CTNNA2: variants seen among roughly 807,000 people sequenced by gnomAD.
The protein encoded by CTNNA2 is catenin alpha 2.
Under a neutral mutation model 101.0 loss-of-function variants are expected in CTNNA2, and 42 were observed. The ratio of observed to expected loss-of-function variants is 0.42; its 90% CI spans 0.32 to 0.54. The LOEUF is 0.54. Among genes scored for constraint, CTNNA2 ranks in the 20% least tolerant of loss-of-function variants. The pLI is 0.14. For missense variants in CTNNA2, 871 were observed against 1,223.1 expected, an observed-to-expected ratio of 0.71 and a Z score of 4.29; for synonymous variants, 450 against 456.4, an observed-to-expected ratio of 0.99 and a Z score of 0.18.
chr2:79,307,596 T>A (rs1220597869), intron 2 of CTNNA2, among the ~76,000 whole-genome samples: 2 of 152,230 alleles, frequency 1.3e-5, no homozygotes, highest in African/African-American at 2.4e-5. Flanking sequence ...TGTGTATATA[T>A]ATCACCTTTT....
chr2:79,422,470 T>C (rs1678549920), intron 4 of CTNNA2, among the ~76,000 whole-genome samples: 1 of 152,142 alleles, frequency 6.6e-6, no homozygotes, highest in African/African-American at 2.4e-5. Context: ...GCCCCAAATG[T>C]CGATAATGTT....
chr2:79,473,082 C>T (rs1671016581), intron 4 of CTNNA2, among the ~76,000 whole-genome samples: 1 of 152,078 alleles, frequency 6.6e-6, no homozygotes, highest in East Asian at 1.9e-4. Context: ...ATGTCTTTGC[C>T]AACATTCTGT....
At chr2:79,706,093 G>A (rs1242883535) in intron 2 of CTNNA2, among the ~76,000 whole-genome samples, 1 of 151,970 alleles carries the variant, frequency 6.6e-6, no homozygotes, top group Admixed American at 6.6e-5. Flanking sequence ...GGCCAGGTGC[G>A]GTGGCTTATA....
rs559463327 is a variant in CTNNA2 at position 80,300,676 on chromosome 2, TAGAG to T, written c.1057-92532_1057-92529del. The stretch of plus-strand genomic sequence containing the variant: ...AAAGATGCAACTCTTTAGTGTCCGT[TAGAG>T]AGGGAAGAGAAAGACTTAGGGACAT... On this transcript the variant is annotated intron_variant, in intron 7 of 18. Coordinates refer to ENST00000402739, the MANE Select transcript of CTNNA2 (RefSeq NM_001282597.3). Among the ~76,000 whole-genome samples, 38 of 152,296 alleles carry T rather than the reference TAGAG, an allele frequency of 2.5e-4. No homozygotes were observed. In the South Asian group the frequency reaches 4.6e-3, roughly 18 times the overall value.
intron 4 of CTNNA2, among the ~76,000 whole-genome samples, chr2:79,499,592 C>T (rs1341512459): frequency 1.3e-5 from 2 of 152,216 alleles, no homozygotes; most frequent in African/African-American, 2.4e-5. Flanking sequence ...ATTTCTTACG[C>T]CACCTATGTA....
chr2:79,619,078 C>T lies in CTNNA2; in HGVS notation c.-5-32474C>T, dbSNP rs540681516. Among the ~76,000 whole-genome samples the T allele has an allele frequency of 7.9e-5, 12 of 152,240 alleles. No individual in the cohort carries two copies. In the East Asian group the frequency reaches 1.9e-3, roughly 25 times the overall value. On this transcript the variant is annotated intron_variant, in intron 1 of 18. Transcript: ENST00000402739. ...AAAATTAGCTGGGCGTGGTGGCGGG[C>T]GCCTATAATCCCAGCTAGTTGGGAG... is the stretch of plus-strand genomic sequence containing the variant.
intron 7 of CTNNA2, among the ~76,000 whole-genome samples, chr2:80,290,227 A>G (rs973529722): frequency 6.6e-6 from 1 of 152,168 alleles, no homozygotes; most frequent in African/African-American, 2.4e-5. Flanking sequence ...TCCATGCCAG[A>G]TAGTTTTTTA....
intron 4 of CTNNA2, among the ~76,000 whole-genome samples, chr2:79,438,309 C>T (rs1678739401): frequency 6.6e-6 from 1 of 152,200 alleles, no homozygotes. Context: ...GTCTTTCAAC[C>T]GTGAGTGTTA....
chr2:80,069,854 T>G (rs1698217410), intron 7 of CTNNA2, among the ~76,000 whole-genome samples: 2 of 152,220 alleles, frequency 1.3e-5, no homozygotes, highest in Admixed American at 1.3e-4. Flanking sequence ...AGCAAGCACC[T>G]TAACCTGTCA....
intron 7 of CTNNA2, among the ~76,000 whole-genome samples, chr2:80,164,617 T>C (rs1704537382): frequency 6.6e-6 from 1 of 151,894 alleles, no homozygotes; most frequent in African/African-American, 2.4e-5. Context: ...TATTTTTCTT[T>C]TTTCTTTATA....
intron 3 of CTNNA2, among the ~76,000 whole-genome samples, chr2:79,334,309 C>G (rs1357946039): frequency 6.6e-6 from 1 of 151,872 alleles, no homozygotes; most frequent in African/African-American, 2.4e-5. Context: ...CTGGCAGAAC[C>G]AGAATTTGAA....
In CTNNA2 at chr2:80,589,328, G is replaced by T; in HGVS notation, c.2032G>T (p.Glu678Ter). 6.2e-7 allele frequency: 1 copy of T among 1,614,080 alleles called. No homozygotes were observed. The highest frequency in any genetic ancestry group is 8.5e-7 in the Non-Finnish European group (1 of 1,179,970). ...ARAIMAQLPQ[E>*]EKAKIAEQVE... ...GGCCATCATGGCGCAACTACCGCAG[G>T]AGGAGAAGGCAAAAATAGCTGAGCA... The change falls in exon 15 of 19, where the codon GAG becomes TAG. Residue 678 changes from glutamate to a stop codon, truncating the protein, a stop_gained. Transcript: ENST00000402739. LOFTEE classifies it high-confidence loss of function.
chr2:80,151,852 A>T (rs1271833122), intron 7 of CTNNA2, among the ~76,000 whole-genome samples: 1 of 151,454 alleles, frequency 6.6e-6, no homozygotes, highest in African/African-American at 2.4e-5. Flanking sequence ...TGCCAACCCC[A>T]CTCTTTTCAT....
chr2:79,957,978 GC>G (rs1236346550), intron 7 of CTNNA2, among the ~76,000 whole-genome samples: 2 of 152,138 alleles, frequency 1.3e-5, no homozygotes, highest in East Asian at 3.9e-4. Context: ...TTGCACCCAG[GC>G]CTTCTGTTCT....
At chr2:79,397,625 C>A (rs1408245805) in intron 4 of CTNNA2, among the ~76,000 whole-genome samples, 1 of 152,056 alleles carries the variant, frequency 6.6e-6, no homozygotes, top group East Asian at 1.9e-4. Flanking sequence ...CATCTCTATG[C>A]AACTGGCTCT....
At chr2:79,279,144 T>G (rs1675293826) in intron 2 of CTNNA2, among the ~76,000 whole-genome samples, 1 of 152,138 alleles carries the variant, frequency 6.6e-6, no homozygotes, top group African/African-American at 2.4e-5. Flanking sequence ...TTTCAGCTTT[T>G]ATTTTCTTTC....
chr2:80,622,234 C>T (rs1671206372), intron 18 of CTNNA2, among the ~76,000 whole-genome samples: 1 of 151,848 alleles, frequency 6.6e-6, no homozygotes, highest in African/African-American at 2.4e-5. Flanking sequence ...ATCAGGCAGG[C>T]ATTTGGTCAG....
intron 1 of CTNNA2, among the ~76,000 whole-genome samples, chr2:79,569,286 C>A (rs1675317250): frequency 6.6e-6 from 1 of 151,950 alleles, no homozygotes; most frequent in Non-Finnish European, 1.5e-5. Context: ...GTTAAGGAGT[C>A]CATTTTAGCT....
intron 4 of CTNNA2, among the ~76,000 whole-genome samples, chr2:79,420,831 A>T (rs934360709): frequency 2.0e-5 from 3 of 152,134 alleles, no homozygotes; most frequent in African/African-American, 7.2e-5. Flanking sequence ...GTATAACAAT[A>T]TGGTCTTGAC....
Sources: gnomAD v4.1 joint callset for allele counts (sites outside exome capture counted in the v4.1 genomes callset) on GRCh38, gnomAD v4.1.1 for gene constraint, MANE v1.5 for transcripts, NCBI Gene and HGNC (gene_info 2026-07-23, HGNC 2026-07-21) for gene names.